The following KANK1 variants were observed in gnomAD, a reference collection of about 807,000 sequenced individuals.
The protein encoded by KANK1 is KN motif and ankyrin repeat domains 1.
A neutral mutation model predicts 106.2 loss-of-function variants in KANK1; 109 were observed. The ratio of observed to expected loss-of-function variants is 1.03; its 90% CI spans 0.88 to 1.20. KANK1 has a LOEUF of 1.20. Ranked by LOEUF, KANK1 falls within the 50% of genes most tolerant of loss-of-function variation. The pLI is 0.00. For missense variants in KANK1, 2,399 were observed against 1,710.7 expected, an observed-to-expected ratio of 1.40 and a Z score of -7.10; for synonymous variants, 873 against 652.2, an observed-to-expected ratio of 1.34 and a Z score of -5.16.
chr9:638,644 A>G (rs905441899), intron 1 of KANK1, among the ~76,000 whole-genome samples: 14 of 152,180 alleles, frequency 9.2e-5, no homozygotes, highest in African/African-American at 3.1e-4. Context: ...GTTCTGGGCA[A>G]ACTTTGAGTT....
chr9:730,147 C>T lies in KANK1; in HGVS notation c.2795C>T (p.Ser932Leu), dbSNP rs750680173. The T allele has an allele frequency of 1.2e-6, 2 of 1,614,170 alleles. No individual in the cohort carries two copies. The highest frequency in any genetic ancestry group is 1.7e-6 in the Non-Finnish European group (2 of 1,180,028). The change falls in exon 4 of 12, where the codon TCA becomes TTA. Residue 932 changes from serine to leucine, a missense_variant. Transcript: ENST00000382297. The part of the protein sequence containing the change: ...TSQPEQEVGT[S>L]EGKPISSLDA... The stretch of plus-strand genomic sequence containing the variant: ...CAGCCTGAGCAAGAAGTGGGGACCT[C>T]AGAAGGAAAGCCAATCAGCAGCCTG...
At chr9:493,974 C>T (rs1389814826) in intron 3 of KANK1, among the ~76,000 whole-genome samples, 2 of 151,964 alleles carry the variant, frequency 1.3e-5, no homozygotes, top group Non-Finnish European at 2.9e-5. Flanking sequence ...CTTACACCTC[C>T]CGGGTTCAAG....
At chr9:602,451 G>T (rs1828003917) in intron 1 of KANK1, among the ~76,000 whole-genome samples, 2 of 151,596 alleles carry the variant, frequency 1.3e-5, no homozygotes, top group East Asian at 1.9e-4. Flanking sequence ...GTAGAGATGT[G>T]GTTTCACCAT....
At chr9:556,966 T>C (rs1206670275) in intron 1 of KANK1, among the ~76,000 whole-genome samples, 1 of 152,138 alleles carries the variant, frequency 6.6e-6, no homozygotes, top group Non-Finnish European at 1.5e-5. Context: ...ATTGAGTTCT[T>C]GAAGATAAGA....
chr9:557,349 G>T (rs1470947226), intron 1 of KANK1, among the ~76,000 whole-genome samples: 1 of 152,166 alleles, frequency 6.6e-6, no homozygotes, highest in Admixed American at 6.5e-5. Context: ...ATGTATCATT[G>T]TTGAAGCTTA....
chr9:545,383 GAGAA>G (rs1332026257), intron 1 of KANK1, among the ~76,000 whole-genome samples: 4 of 152,196 alleles, frequency 2.6e-5, no homozygotes, highest in Admixed American at 6.5e-5. Flanking sequence ...GTTCAGAAAA[GAGAA>G]AGAGCAGAAT....
intron 1 of KANK1, among the ~76,000 whole-genome samples, chr9:504,990 C>T (rs2058678092): frequency 6.6e-6 from 1 of 151,506 alleles, no homozygotes; most frequent in Non-Finnish European, 1.5e-5. Flanking sequence ...GGCGTCGGCC[C>T]CGCGGCCGTC....
intron 1 of KANK1, among the ~76,000 whole-genome samples, chr9:637,715 G>A (rs1038447296): frequency 6.6e-6 from 1 of 152,132 alleles, no homozygotes; most frequent in African/African-American, 2.4e-5. Context: ...AAGATGTTTA[G>A]AATTTTTTTA....
rs184465804 is a variant in KANK1 at position 491,562 on chromosome 9, C to T, written c.-362+18289C>T. On this transcript the variant is annotated intron_variant, in intron 3 of 15. Coordinates refer to the KANK1 transcript ENST00000382303. ...GATTACAGGTGTGAGCCACTGTGCCCGGCCTGGAGTGCAATTTTAAATAGC... is the reference window on the plus strand; with the variant it reads ...GATTACAGGTGTGAGCCACTGTGCCTGGCCTGGAGTGCAATTTTAAATAGC... Among the ~76,000 whole-genome samples the T allele has an allele frequency of 3.0e-3, 453 of 152,124 alleles. 4 individuals are homozygous for T. The highest frequency in any genetic ancestry group is 4.6e-3 in the Non-Finnish European group (315 of 68,002).
chr9:519,036 A>T (rs904717038), intron 1 of KANK1, among the ~76,000 whole-genome samples: 4 of 151,542 alleles, frequency 2.6e-5, no homozygotes, highest in African/African-American at 9.8e-5. Context: ...GATTACAGGC[A>T]TGCACCACCA....
chr9:574,009 G>A (rs1041039796), intron 1 of KANK1, among the ~76,000 whole-genome samples: 11 of 152,230 alleles, frequency 7.2e-5, no homozygotes, highest in Admixed American at 3.3e-4. Flanking sequence ...CCCATCCGCC[G>A]CAGCTCTGTG....
chr9:719,189 G>A (rs1030140251), intron 3 of KANK1, among the ~76,000 whole-genome samples: 5 of 151,830 alleles, frequency 3.3e-5, no homozygotes, highest in South Asian at 2.1e-4. Flanking sequence ...GGCTGGTCTC[G>A]ATCTTCTAAC....
intron 1 of KANK1, among the ~76,000 whole-genome samples, chr9:566,131 C>A (rs1435118947): frequency 2.6e-5 from 4 of 152,168 alleles, no homozygotes; most frequent in Non-Finnish European, 5.9e-5. Flanking sequence ...GTTTTCTGTT[C>A]CTGCGTTAGT....
chr9:604,827 C>CA (rs1455107216), intron 1 of KANK1, among the ~76,000 whole-genome samples: 1 of 151,674 alleles, frequency 6.6e-6, no homozygotes, highest in Non-Finnish European at 1.5e-5. Flanking sequence ...GAGACTCTCT[C>CA]AAAAAATAAT....
At chr9:737,956 A>C (rs1006739605) in intron 7 of KANK1, among the ~76,000 whole-genome samples, 1 of 152,240 alleles carries the variant, frequency 6.6e-6, no homozygotes, top group Non-Finnish European at 1.5e-5. Context: ...CAGATGAGGA[A>C]ACGGAAGCAG....
At chr9:706,989 G>C (rs951631768) in intron 2 of KANK1, 22 of 985,330 alleles carry the variant, frequency 2.2e-5, no homozygotes, top group Non-Finnish European at 2.7e-5. Context: ...AGAAGATACC[G>C]GTTTCCTGTT....
At chr9:575,419 G>C (rs911181041) in intron 1 of KANK1, among the ~76,000 whole-genome samples, 1 of 151,294 alleles carries the variant, frequency 6.6e-6, no homozygotes, top group African/African-American at 2.4e-5. Context: ...TGTAATTCCA[G>C]CACTTTGGGA....
intron 1 of KANK1, among the ~76,000 whole-genome samples, chr9:571,305 A>G (rs7026359): frequency 0.058 from 8,859 of 152,292 alleles, 847 homozygotes; most frequent in African/African-American, 0.2. Flanking sequence ...GAGATTGTTG[A>G]CAATTGCTAG....
chr9:644,040 G>C (rs1381035498), intron 1 of KANK1, among the ~76,000 whole-genome samples: 1 of 150,856 alleles, frequency 6.6e-6, no homozygotes, highest in Non-Finnish European at 1.5e-5. Flanking sequence ...GTATGTCCTA[G>C]TGTAGTGTGG....
Sources: allele counts gnomAD v4.1 joint callset (sites outside exome capture counted in the v4.1 genomes callset), GRCh38; gene constraint gnomAD v4.1.1; transcripts MANE v1.5; gene names NCBI Gene and HGNC (gene_info 2026-07-23, HGNC 2026-07-21).